Variants in CCSER1 observed in about 807,000 individuals in gnomAD.
The protein encoded by CCSER1 is serine-rich coiled-coil domain-containing protein 1.
Under a neutral mutation model 82.0 loss-of-function variants are expected in CCSER1, and 41 were observed. The ratio of observed to expected loss-of-function variants is 0.50; its 90% confidence interval spans 0.39 to 0.65. CCSER1 has a LOEUF of 0.65. CCSER1 is among the 30% of genes least tolerant of loss of function. The probability of loss-of-function intolerance (pLI) is 0.00; values close to 1 mark genes in which losing one functional copy is unlikely to be tolerated. For synonymous variants in CCSER1, 414 were observed against 383.9 expected, an observed-to-expected ratio of 1.08 and a Z score of -0.92; for missense variants, 1,119 against 1,064.2, an observed-to-expected ratio of 1.05 and a Z score of -0.72.
intron 10 of CCSER1, among the ~76,000 whole-genome samples, chr4:91,448,220 T>G (rs1206410313): frequency 6.6e-6 from 1 of 152,112 alleles, no homozygotes; most frequent in Non-Finnish European, 1.5e-5. Context: ...TTCAAATATT[T>G]CTATTTGACA....
intron 10 of CCSER1, among the ~76,000 whole-genome samples, chr4:91,527,572 C>G (rs898014632): frequency 6.6e-6 from 1 of 152,030 alleles, no homozygotes; most frequent in South Asian, 2.1e-4. Flanking sequence ...TTTTGGAAAT[C>G]AAGTAGAATT....
chr4:91,179,905 G>T (rs1733832787), intron 10 of CCSER1, among the ~76,000 whole-genome samples: 1 of 152,168 alleles, frequency 6.6e-6, no homozygotes, highest in African/African-American at 2.4e-5. Context: ...AGAATTTTCA[G>T]CTTTTCTGCT....
chr4:91,442,005 A>G (rs1363171764), intron 10 of CCSER1, among the ~76,000 whole-genome samples: 1 of 152,206 alleles, frequency 6.6e-6, no homozygotes, highest in Non-Finnish European at 1.5e-5. Context: ...TTCCATGCTC[A>G]TGGATAGGAA....
chr4:90,713,761 C>T (rs187843941), intron 6 of CCSER1, among the ~76,000 whole-genome samples: 60 of 152,044 alleles, frequency 3.9e-4, no homozygotes, highest in African/African-American at 1.4e-3. Context: ...TCCATTCTCC[C>T]CATCTTTTTC....
chr4:90,844,570 C>T (rs1762968855), intron 8 of CCSER1, among the ~76,000 whole-genome samples: 1 of 151,994 alleles, frequency 6.6e-6, no homozygotes, highest in African/African-American at 2.4e-5. Flanking sequence ...CATATGGTTA[C>T]TAACCCCCTT....
chr4:91,280,849 T>C (rs188718342), intron 10 of CCSER1, among the ~76,000 whole-genome samples: 82 of 152,188 alleles, frequency 5.4e-4, no homozygotes, highest in Admixed American at 1.0e-3. Context: ...GCTCCAGAGA[T>C]GTGGAGATGC....
At chr4:91,424,857 TG>T (rs2149387135) in intron 10 of CCSER1, among the ~76,000 whole-genome samples, 1 of 152,044 alleles carries the variant, frequency 6.6e-6, no homozygotes, top group African/African-American at 2.4e-5. Flanking sequence ...AAAAAGAAAA[TG>T]TTTTAGGTAA....
chr4:91,293,801 T>A (rs1743946662), intron 10 of CCSER1, among the ~76,000 whole-genome samples: 1 of 151,964 alleles, frequency 6.6e-6, no homozygotes, highest in Non-Finnish European at 1.5e-5. Context: ...AGGCAAAACA[T>A]TAAAAAGAAT....
At chr4:91,552,961 A>G (rs1762227168) in intron 10 of CCSER1, among the ~76,000 whole-genome samples, 1 of 151,532 alleles carries the variant, frequency 6.6e-6, no homozygotes, top group South Asian at 2.1e-4. Context: ...CTGATCTTAG[A>G]GGACAAGATT....
intron 7 of CCSER1, among the ~76,000 whole-genome samples, chr4:90,813,010 T>A (rs1288055813): frequency 6.6e-6 from 1 of 152,178 alleles, no homozygotes; most frequent in Non-Finnish European, 1.5e-5. Context: ...AATCTCACAT[T>A]CTTGTCACAT....
intron 7 of CCSER1, among the ~76,000 whole-genome samples, chr4:90,764,239 T>TA (rs553169826): frequency 4.0e-5 from 6 of 151,804 alleles, no homozygotes; most frequent in Admixed American, 6.6e-5. Flanking sequence ...GATTATTTAA[T>TA]AAAAAAAAGA....
At chr4:90,926,046 T>C (rs999285723) in intron 9 of CCSER1, among the ~76,000 whole-genome samples, 1 of 152,038 alleles carries the variant, frequency 6.6e-6, no homozygotes, top group Non-Finnish European at 1.5e-5. Flanking sequence ...ATATGATTCA[T>C]AAACTGTACA....
At chr4:91,226,871 A>G in intron 10 of CCSER1, among the ~76,000 whole-genome samples, 1 of 151,842 alleles carries the variant, frequency 6.6e-6, no homozygotes, top group Admixed American at 6.6e-5. Context: ...ATATCACTTC[A>G]ATAGTTACTA....
At chr4:90,709,767 T>C (rs1051583386) in intron 6 of CCSER1, among the ~76,000 whole-genome samples, 6 of 152,132 alleles carry the variant, frequency 3.9e-5, no homozygotes, top group Middle Eastern at 3.2e-3. Context: ...ATCTTTATAA[T>C]AGAATGATTT....
chr4:90,982,096 A>G, intron 9 of CCSER1, among the ~76,000 whole-genome samples: 1 of 151,850 alleles, frequency 6.6e-6, no homozygotes, highest in East Asian at 1.9e-4. Flanking sequence ...AGGCTGCTAT[A>G]TTAAAATATC....
intron 5 of CCSER1, among the ~76,000 whole-genome samples, chr4:90,473,042 A>G (rs893652363): frequency 6.6e-6 from 1 of 152,132 alleles, no homozygotes; most frequent in East Asian, 1.9e-4. Flanking sequence ...TAAAAATCCT[A>G]CTGTTAAAAG....
chr4:91,377,610 T>G (rs1750530483), intron 10 of CCSER1, among the ~76,000 whole-genome samples: 1 of 152,218 alleles, frequency 6.6e-6, no homozygotes, highest in Admixed American at 6.5e-5. Flanking sequence ...GTTTTTTTCT[T>G]GTAAATTTGT....
At chr4:91,448,486 G>A (rs1260241592) in intron 10 of CCSER1, among the ~76,000 whole-genome samples, 2 of 152,010 alleles carry the variant, frequency 1.3e-5, no homozygotes, top group Non-Finnish European at 2.9e-5. Context: ...ACCTGAAGGT[G>A]TTATTTGAAA....
chr4:90,714,204 G>A lies in CCSER1; in HGVS notation c.1933-9710G>A, dbSNP rs574037552. Reference sequence around the variant, plus strand: ...AAAAATATATATTTTATTTGTGATTGTCTTTGAATAGTTGGAATTTTGTTC... The same window carrying A: ...AAAAATATATATTTTATTTGTGATTATCTTTGAATAGTTGGAATTTTGTTC... On this transcript the variant is annotated intron_variant, in intron 6 of 10. Transcript: ENST00000509176. Among the ~76,000 whole-genome samples, 13 of 151,780 alleles carry A rather than the reference G, an allele frequency of 8.6e-5. No homozygotes were observed. In the East Asian group the frequency reaches 1.7e-3, roughly 20 times the overall value.
Sources: allele counts gnomAD v4.1 joint callset (sites outside exome capture counted in the v4.1 genomes callset), GRCh38; gene constraint gnomAD v4.1.1; transcripts MANE v1.5; gene names NCBI Gene and HGNC (gene_info 2026-07-23, HGNC 2026-07-21).